The following CSMD2 variants were observed in gnomAD, a reference collection of about 807,000 sequenced individuals.
CSMD2 encodes the protein CUB and Sushi multiple domains 2, also known as CUB and sushi domain-containing protein 2.
A neutral mutation model predicts 398.5 loss-of-function variants in CSMD2; 130 were observed. The observed-to-expected ratio is 0.33, with a 90% confidence interval of 0.28 to 0.38. The LOEUF is 0.38. Among genes scored for constraint, CSMD2 ranks in the 10% least tolerant of loss-of-function variants. The pLI, the probability that CSMD2 is intolerant of heterozygous loss-of-function variation, is 1.00. For missense variants in CSMD2, 3,829 were observed against 4,764.9 expected (o/e 0.80, Z 5.78); for synonymous variants, 1,828 against 1,908.5 (o/e 0.96, Z 1.10).
At chr1:34,079,414 C>T (rs1423630918) in intron 2 of CSMD2, among the ~76,000 whole-genome samples, 1 of 152,154 alleles carries the variant, frequency 6.6e-6, no homozygotes, top group African/African-American at 2.4e-5. Flanking sequence ...TTTCTATATA[C>T]TAACAATGGC....
intron 20 of CSMD2, 89 bp from the exon 21 acceptor site, chr1:33,714,864 G>A: frequency 7.6e-7 from 1 of 1,312,554 alleles, no homozygotes. Flanking sequence ...AACACCAGGG[G>A]GAAAGGGCCA....
At chr1:33,735,579 G>A (rs142830222) in intron 15 of CSMD2, among the ~76,000 whole-genome samples, 6 of 152,288 alleles carry the variant, frequency 3.9e-5, no homozygotes, top group Non-Finnish European at 7.4e-5. Context: ...CATTAGGACA[G>A]CAGAGTTATA....
chr1:33,918,162 A>AT lies in CSMD2; in HGVS notation c.851_852insA (p.Phe284LeufsTer3). ...AACCATCCTCCAGCTGGAAGTCAAT[A>AT]AACACCAGGGCGATGGTGTCCCCCA... On this transcript the variant is annotated frameshift_variant, in exon 5 of 71. Coordinates refer to ENST00000373381, the MANE Select transcript of CSMD2 (RefSeq NM_001281956.2). LOFTEE classifies it high-confidence loss of function. 1 of 1,614,170 alleles carries AT rather than the reference A, an allele frequency of 6.2e-7. No individual in the cohort carries two copies. Among genetic ancestry groups the AT allele is most frequent in the Non-Finnish European group, 8.5e-7 (1 of 1,180,028 alleles).
At chr1:34,127,043 C>T (rs897942140) in intron 1 of CSMD2, among the ~76,000 whole-genome samples, 66 of 151,996 alleles carry the variant, frequency 4.3e-4, no homozygotes, top group Middle Eastern at 3.4e-3. Flanking sequence ...AACAGAGAGA[C>T]GGAAAAGTGA....
At chr1:34,004,652 AG>A (rs984897763) in intron 3 of CSMD2, among the ~76,000 whole-genome samples, 3 of 152,200 alleles carry the variant, frequency 2.0e-5, no homozygotes, top group Non-Finnish European at 4.4e-5. Context: ...GATTTCCAAA[AG>A]GTTAAACTAT....
intron 1 of CSMD2, among the ~76,000 whole-genome samples, chr1:34,102,184 C>G (rs1337599539): frequency 6.6e-6 from 1 of 152,116 alleles, no homozygotes; most frequent in Non-Finnish European, 1.5e-5. Flanking sequence ...GTGCCCGCCA[C>G]CACGCCCGGC....
At chr1:34,165,286 G>T, upstream of CSMD2, 1 of 1,193,124 alleles carries the variant, frequency 8.4e-7, no homozygotes, top group Non-Finnish European at 1.0e-6. Context: ...GAAATGACTC[G>T]CTCCAATCCC....
chr1:33,717,476 C>T (rs1474341291), intron 19 of CSMD2, among the ~76,000 whole-genome samples: 2 of 151,836 alleles, frequency 1.3e-5, no homozygotes, highest in Non-Finnish European at 2.9e-5. Flanking sequence ...ACATGACATC[C>T]AGTGGCACGT....
At chr1:33,921,752 C>T (rs1454862681) in intron 4 of CSMD2, among the ~76,000 whole-genome samples, 2 of 152,116 alleles carry the variant, frequency 1.3e-5, no homozygotes, top group African/African-American at 2.4e-5. Flanking sequence ...TCTGCAGGTG[C>T]AGGGGAGTCA....
rs35719666 is a variant in CSMD2, at chr1:33,725,401, G to A, written c.2643C>T (p.Leu881=). ...CCGAGTGACTCTTGTCGGTAGAGAA[G>A]AGGAGGTAGAGGTAGTTGCTGGTGC... ...LISTSNYLYL[L]FSTDKSHSDI... is the part of the protein sequence containing the mutation. Residue 881 remains leucine, a synonymous_variant, in exon 17 of 71, where the codon CTC becomes CTT. Coordinates refer to ENST00000373381, the MANE Select transcript of CSMD2 (RefSeq NM_001281956.2). 7.0e-4 allele frequency: 1,133 copies of A among 1,614,182 alleles called. 5 individuals carry two copies. The highest frequency in any genetic ancestry group is 6.9e-3 in the Middle Eastern group (42 of 6,062).
intron 52 of CSMD2, among the ~76,000 whole-genome samples, chr1:33,568,931 A>T (rs1659319778): frequency 6.6e-6 from 1 of 152,222 alleles, no homozygotes; most frequent in South Asian, 2.1e-4. Context: ...GTCCTTTGGA[A>T]GCCAGGTTGT....
chr1:33,642,801 TG>T (rs1455842858), intron 29 of CSMD2, among the ~76,000 whole-genome samples: 1 of 152,234 alleles, frequency 6.6e-6, no homozygotes, highest in African/African-American at 2.4e-5. Context: ...GTTACCCCTT[TG>T]TTTGCTTAAG....
chr1:33,739,044 A>G (rs554195676), intron 15 of CSMD2, 96 bp downstream of exon 15: 13 of 1,236,990 alleles, frequency 1.1e-5, no homozygotes, highest in Non-Finnish European at 1.5e-5. Flanking sequence ...GGAAGGACCA[A>G]CGCAGAAAGG....
chr1:33,574,014 A>C (rs1311509726), intron 49 of CSMD2, among the ~76,000 whole-genome samples: 1 of 152,220 alleles, frequency 6.6e-6, no homozygotes, highest in African/African-American at 2.4e-5. Flanking sequence ...AAAGCTTTAA[A>C]CCTCTGAAGA....
At chr1:33,913,090 G>T (rs967956304) in intron 5 of CSMD2, among the ~76,000 whole-genome samples, 3 of 152,176 alleles carry the variant, frequency 2.0e-5, no homozygotes, top group African/African-American at 7.2e-5. Context: ...GGGATTACAG[G>T]TGTGAGTCAC....
At chr1:33,567,564 T>G (rs749786597) in intron 53 of CSMD2, 29 bp downstream of exon 53, 1 of 1,611,120 alleles carries the variant, frequency 6.2e-7, no homozygotes, top group Non-Finnish European at 8.5e-7. Flanking sequence ...CTGAGCCCCA[T>G]GACTAGGGAG....
intron 3 of CSMD2, among the ~76,000 whole-genome samples, chr1:34,004,671 G>A (rs1647004203): frequency 6.6e-6 from 1 of 152,134 alleles, no homozygotes; most frequent in Non-Finnish European, 1.5e-5. Context: ...TATTGGTTAG[G>A]GTGTAGGAGG....
intron 56 of CSMD2, among the ~76,000 whole-genome samples, chr1:33,549,103 TG>T (rs1570696490): frequency 6.6e-6 from 1 of 152,238 alleles, no homozygotes; most frequent in East Asian, 1.9e-4. Flanking sequence ...AGAGATCTAA[TG>T]AATATCTCAT....
At chr1:33,787,747 C>G (rs1480846005) in intron 12 of CSMD2, among the ~76,000 whole-genome samples, 1 of 152,066 alleles carries the variant, frequency 6.6e-6, no homozygotes, top group Non-Finnish European at 1.5e-5. Context: ...TAGGGACTGG[C>G]GTTAGCTGTT....
Sources: gnomAD v4.1 joint callset for allele counts (sites outside exome capture counted in the v4.1 genomes callset) on GRCh38, gnomAD v4.1.1 for gene constraint, MANE v1.5 for transcripts, NCBI Gene and HGNC (gene_info 2026-07-23, HGNC 2026-07-21) for gene names.